The following CACNG5 variants were observed in gnomAD, a reference collection of about 807,000 sequenced individuals.
CACNG5 encodes the protein calcium voltage-gated channel auxiliary subunit gamma 5.
Under a neutral mutation model 24.8 loss-of-function variants are expected in CACNG5, and 18 were observed. The ratio of observed to expected loss-of-function variants is 0.73; its 90% CI spans 0.50 to 1.08. The LOEUF (loss-of-function observed/expected upper bound fraction) is 1.08. Among genes scored for constraint, CACNG5 ranks in the 50% least tolerant of loss-of-function variants. The probability of loss-of-function intolerance (pLI) is 0.00; values close to 1 mark genes in which losing one functional copy is unlikely to be tolerated. For synonymous variants in CACNG5, 157 were observed against 149.1 expected, an observed-to-expected ratio of 1.05 and a Z score of -0.39; for missense variants, 349 against 367.9, an observed-to-expected ratio of 0.95 and a Z score of 0.42.
intron 1 of CACNG5, among the ~76,000 whole-genome samples, chr17:66,846,807 C>T (rs8065772): frequency 0.078 from 11,895 of 152,178 alleles, 897 homozygotes; most frequent in African/African-American, 0.2. Flanking sequence ...CTGGATCATC[C>T]GGTAACTCTG....
chr17:66,841,185 G>T (rs892200246), intron 1 of CACNG5, among the ~76,000 whole-genome samples: 1 of 152,196 alleles, frequency 6.6e-6, no homozygotes, highest in African/African-American at 2.4e-5. Context: ...GTTCTGTCCA[G>T]AAAGGCAGGA....
intron 1 of CACNG5, among the ~76,000 whole-genome samples, chr17:66,871,036 CACA>C (rs1174230380): frequency 6.6e-6 from 1 of 151,908 alleles, no homozygotes; most frequent in African/African-American, 2.4e-5. Context: ...TCAAAGCAGT[CACA>C]ACGCTGCCTA....
At chr17:66,866,296 G>A (rs922963525) in intron 1 of CACNG5, among the ~76,000 whole-genome samples, 2 of 151,800 alleles carry the variant, frequency 1.3e-5, no homozygotes, top group Admixed American at 6.6e-5. Flanking sequence ...ATTTTTTTTG[G>A]CAGGATCTTG....
intron 1 of CACNG5, among the ~76,000 whole-genome samples, chr17:66,862,346 A>G (rs939467863): frequency 6.6e-6 from 1 of 151,212 alleles, no homozygotes; most frequent in African/African-American, 2.4e-5. Flanking sequence ...ACGCCCAGCT[A>G]TGAATCCAAT....
intron 1 of CACNG5, among the ~76,000 whole-genome samples, chr17:66,866,588 A>G (rs1177632365): frequency 6.6e-6 from 1 of 152,030 alleles, no homozygotes; most frequent in East Asian, 1.9e-4. Flanking sequence ...TGCTTTAGCT[A>G]TTTGTCCTGA....
At chr17:66,868,692 C>G (rs920655801) in intron 1 of CACNG5, among the ~76,000 whole-genome samples, 1 of 152,202 alleles carries the variant, frequency 6.6e-6, no homozygotes, top group African/African-American at 2.4e-5. Flanking sequence ...CCTTCTGATG[C>G]TGAGTCCCTG....
intron 3 of CACNG5, among the ~76,000 whole-genome samples, chr17:66,879,320 C>G (rs911476152): frequency 6.6e-6 from 1 of 152,318 alleles, no homozygotes; most frequent in Non-Finnish European, 1.5e-5. Context: ...GACTTCATGG[C>G]CTTGACCTCA....
chr17:66,849,913 G>A (rs1598047221), intron 1 of CACNG5, among the ~76,000 whole-genome samples: 2 of 152,246 alleles, frequency 1.3e-5, no homozygotes, highest in East Asian at 1.9e-4. Context: ...GCGGTCAAGT[G>A]GTGAAAAGAT....
At chr17:66,841,907 A>G (rs1389987871) in intron 1 of CACNG5, among the ~76,000 whole-genome samples, 3 of 152,210 alleles carry the variant, frequency 2.0e-5, no homozygotes, top group Admixed American at 2.0e-4. Flanking sequence ...CTCTAGCACC[A>G]GAGCTCAAGG....
At chr17:66,850,845 T>C (rs1227520556) in intron 1 of CACNG5, among the ~76,000 whole-genome samples, 4 of 152,028 alleles carry the variant, frequency 2.6e-5, no homozygotes, top group African/African-American at 9.7e-5. Flanking sequence ...CTTCAGAAGG[T>C]TTTAAAATAC....
intron 1 of CACNG5, among the ~76,000 whole-genome samples, chr17:66,838,695 C>G (rs1393743362): frequency 6.6e-6 from 1 of 152,188 alleles, no homozygotes; most frequent in Non-Finnish European, 1.5e-5. Context: ...TCGACCACAT[C>G]TATTCTTAAA....
chr17:66,838,838 T>A (rs1421804678), intron 1 of CACNG5, among the ~76,000 whole-genome samples: 3 of 151,942 alleles, frequency 2.0e-5, no homozygotes, highest in Non-Finnish European at 4.4e-5. Context: ...TTATTGGCAT[T>A]TGGGGCTGCC....
intron 1 of CACNG5, among the ~76,000 whole-genome samples, chr17:66,865,301 A>G (rs1976914325): frequency 6.7e-6 from 1 of 149,932 alleles, no homozygotes; most frequent in Non-Finnish European, 1.5e-5. Context: ...TGATCTGGGC[A>G]TGCATATGTT....
chr17:66,887,637 C>T lies in CACNG5; in HGVS notation c.*2397C>T, dbSNP rs916466753. Among the ~76,000 whole-genome samples, 8 of 152,164 alleles carry T rather than the reference C, an allele frequency of 5.3e-5. No homozygotes were observed. The highest frequency in any genetic ancestry group is 1.3e-4 in the Admixed American group (2 of 15,276). On this transcript the variant is annotated 3_prime_UTR_variant, in exon 6 of 6. Transcript: ENST00000533854. Reference sequence around the variant, plus strand: ...TGCACTTTTCTCTCTCTAGAACACTCTTTCTCTGTCACTGTGCCAGGCTTG... The same window carrying T: ...TGCACTTTTCTCTCTCTAGAACACTTTTTCTCTGTCACTGTGCCAGGCTTG...
In CACNG5 at chr17:66,887,122, G is replaced by T. The variant is rs1175987122; in HGVS notation, c.*1882G>T. Among the ~76,000 whole-genome samples, 1 of 152,202 alleles carries T rather than the reference G, an allele frequency of 6.6e-6. No individual in the cohort carries two copies. Among genetic ancestry groups the T allele is most frequent in the South Asian group, 2.1e-4 (1 of 4,824 alleles). Reference sequence around the variant, plus strand: ...TACAAATGAATTTAGGGAAGACAGAGTTTAGCCCATGACAGGTATTTTGTT... The same window carrying T: ...TACAAATGAATTTAGGGAAGACAGATTTTAGCCCATGACAGGTATTTTGTT... On this transcript the variant is annotated 3_prime_UTR_variant, in exon 6 of 6. Coordinates refer to ENST00000533854, the MANE Select transcript of CACNG5 (RefSeq NM_145811.3).
At chr17:66,847,468 T>C (rs955856597) in intron 1 of CACNG5, among the ~76,000 whole-genome samples, 6 of 152,144 alleles carry the variant, frequency 3.9e-5, no homozygotes, top group African/African-American at 1.4e-4. Context: ...CAAGAGAGTG[T>C]GTGCAGGGGA....
chr17:66,873,951 T>C (rs1396278706), intron 1 of CACNG5, among the ~76,000 whole-genome samples: 1 of 125,496 alleles, frequency 8.0e-6, no homozygotes, highest in Admixed American at 7.9e-5. Flanking sequence ...TTTTTTTTTT[T>C]TCCTTTTAAC....
Position 66,840,146 on chromosome 17 carries a change from C to A in CACNG5, c.-104+4896C>A, listed in dbSNP as rs113191121. On this transcript the variant is annotated intron_variant, in intron 1 of 5. Transcript: ENST00000533854. ...TTTGTTGGGAGTGCTGTCCTCAGTG[C>A]CCCCTCACTGGCCCCCTCTCTGTGC... Among the ~76,000 whole-genome samples, 311 of 152,308 alleles carry A rather than the reference C, an allele frequency of 2.0e-3. 1 individual carries two copies. Among genetic ancestry groups the A allele is most frequent in the African/African-American group, 7.4e-3 (306 of 41,556 alleles).
At chr17:66,875,574 C>T (rs1358260489) in intron 1 of CACNG5, among the ~76,000 whole-genome samples, 1 of 152,200 alleles carries the variant, frequency 6.6e-6, no homozygotes, top group Non-Finnish European at 1.5e-5. Context: ...ACAGTCAACT[C>T]AGACTCTGCA....
Sources: gnomAD v4.1 joint callset for allele counts (sites outside exome capture counted in the v4.1 genomes callset) on GRCh38, gnomAD v4.1.1 for gene constraint, MANE v1.5 for transcripts, NCBI Gene and HGNC (gene_info 2026-07-23, HGNC 2026-07-21) for gene names.